ADRA1B: variants seen among roughly 807,000 people sequenced by gnomAD.
ADRA1B encodes alpha-1B adrenergic receptor.
Under a neutral mutation model 17.9 loss-of-function variants are expected in ADRA1B, and 17 were observed. That is an observed-to-expected ratio of 0.95 (90% CI 0.65 to 1.42). The LOEUF is 1.42. Among genes scored for constraint, ADRA1B ranks in the 40% most tolerant of loss-of-function variants. The pLI is 0.00. For synonymous variants in ADRA1B, 366 were observed against 327.6 expected (o/e 1.12, Z -1.27); for missense variants, 681 against 722.1 (o/e 0.94, Z 0.65).
At chr5:159,903,049 A>G (rs946525249) in intron 1 of ADRA1B, among the ~76,000 whole-genome samples, 1 of 152,188 alleles carries the variant, frequency 6.6e-6, no homozygotes, top group Non-Finnish European at 1.5e-5. Flanking sequence ...GGGCACAGCC[A>G]GGAAGGGGGA....
chr5:159,947,605 T>C, intron 1 of ADRA1B: 1 of 686,910 alleles, frequency 1.5e-6, no homozygotes, highest in Non-Finnish European at 1.8e-6. Flanking sequence ...TACATTCTTT[T>C]TTTCAATACA....
chr5:159,926,116 G>A (rs1754639862), intron 1 of ADRA1B, among the ~76,000 whole-genome samples: 2 of 152,204 alleles, frequency 1.3e-5, no homozygotes, highest in East Asian at 1.9e-4. Flanking sequence ...AATTAAGAGT[G>A]CACTCAATTG....
chr5:159,949,495 A>C (rs2113256444), intron 1 of ADRA1B, among the ~76,000 whole-genome samples: 1 of 152,368 alleles, frequency 6.6e-6, no homozygotes, highest in African/African-American at 2.4e-5. Flanking sequence ...CACCATTAAG[A>C]ACTTCTGGGC....
intron 1 of ADRA1B, among the ~76,000 whole-genome samples, chr5:159,867,648 C>T (rs978323469): frequency 6.6e-6 from 1 of 152,170 alleles, no homozygotes; most frequent in African/African-American, 2.4e-5. Context: ...AATTCTCAAA[C>T]CAACTGCTAA....
At chr5:159,926,142 C>T (rs1754640656) in intron 1 of ADRA1B, among the ~76,000 whole-genome samples, 1 of 152,196 alleles carries the variant, frequency 6.6e-6, no homozygotes, top group Non-Finnish European at 1.5e-5. Context: ...AAATTATTTG[C>T]CACTTCCCAA....
chr5:159,935,981 C>T (rs774887090), intron 1 of ADRA1B, among the ~76,000 whole-genome samples: 20 of 152,240 alleles, frequency 1.3e-4, no homozygotes, highest in Non-Finnish European at 2.5e-4. Context: ...GCAAATTGCT[C>T]AACTCTCTGA....
At chr5:159,866,156 A>G (rs1275171864) in intron 1 of ADRA1B, among the ~76,000 whole-genome samples, 1 of 152,020 alleles carries the variant, frequency 6.6e-6, no homozygotes, top group African/African-American at 2.4e-5. Flanking sequence ...TATATTTTTC[A>G]TTAGCCACCC....
At chr5:159,940,004 G>A (rs990454490) in intron 1 of ADRA1B, among the ~76,000 whole-genome samples, 5 of 152,192 alleles carry the variant, frequency 3.3e-5, no homozygotes, top group African/African-American at 1.2e-4. Flanking sequence ...TCTCTCCCGG[G>A]AGACTGGGTC....
rs923673002 is a variant in ADRA1B at position 159,965,158 on chromosome 5, G to A, written c.950-6721G>A. 4.6e-5 allele frequency among the ~76,000 whole-genome samples: 7 copies of A among 152,170 alleles called. No individual in the cohort carries two copies. In the East Asian group the frequency reaches 5.8e-4, roughly 13 times the overall value. ...AAATGAATGGCAACTTGAACAGGTC[G>A]TGGTGGCCACTCTGCCATTCACCAG... On this transcript the variant is annotated intron_variant, in intron 1 of 1. Coordinates refer to ENST00000306675, the MANE Select transcript of ADRA1B (RefSeq NM_000679.4).
At chr5:159,947,824 C>T in intron 1 of ADRA1B, 1 of 985,404 alleles carries the variant, frequency 1.0e-6, no homozygotes, top group Non-Finnish European at 1.2e-6. Context: ...ATTGCATCAC[C>T]ATATTATCCG....
chr5:159,874,761 A>G (rs369389463), intron 1 of ADRA1B, among the ~76,000 whole-genome samples: 2 of 152,218 alleles, frequency 1.3e-5, no homozygotes, highest in East Asian at 1.9e-4. Context: ...CTTGGGGGTC[A>G]GAGTCCTCAG....
At chr5:159,878,962 G>A (rs759474402) in intron 1 of ADRA1B, among the ~76,000 whole-genome samples, 13 of 151,982 alleles carry the variant, frequency 8.6e-5, no homozygotes, top group East Asian at 1.9e-4. Flanking sequence ...TTCTGATGTC[G>A]CTCAAAACCC....
At position 159,918,209 on chromosome 5, in the gene ADRA1B, G is replaced by A. The variant is rs567280497; in HGVS notation, c.949+355G>A. On this transcript the variant is annotated intron_variant, in intron 1 of 1. Coordinates refer to ENST00000306675, the MANE Select transcript of ADRA1B (RefSeq NM_000679.4). ...TCAGTAGTAATGATGTGTCGGCTAAGGCAGCGTCACTAATGCAGCATACAA... is the reference window on the plus strand; with the variant it reads ...TCAGTAGTAATGATGTGTCGGCTAAAGCAGCGTCACTAATGCAGCATACAA... Among the ~76,000 whole-genome samples the A allele has an allele frequency of 5.9e-5, 9 of 152,274 alleles. No individual in the cohort carries two copies. In the South Asian group the frequency reaches 1.9e-3, roughly 32 times the overall value.
chr5:159,917,370 G>T lies in ADRA1B; in HGVS notation c.465G>T (p.Thr155=), dbSNP rs1443867534. Residue 155 remains threonine, a synonymous_variant, in exon 1 of 2, where the codon ACG becomes ACT. Coordinates refer to ENST00000306675, the MANE Select transcript of ADRA1B (RefSeq NM_000679.4). ...IGVRYSLQYP[T]LVTRRKAILA... ...TGCGCTACTCTCTGCAGTATCCCAC[G>T]CTGGTCACCCGGAGGAAGGCCATCT... is the stretch of plus-strand genomic sequence containing the variant. 6.2e-7 allele frequency: 1 copy of T among 1,614,106 alleles called. No homozygotes were observed. The highest frequency in any genetic ancestry group is 1.1e-5 in the South Asian group (1 of 91,090).
chr5:159,871,054 A>C (rs1001768410), intron 1 of ADRA1B: 2 of 152,218 alleles, frequency 1.3e-5, no homozygotes, highest in Non-Finnish European at 2.9e-5. Flanking sequence ...AGTTGTGGCC[A>C]TGTTTCCTGC....
the ADRA1B span, among the ~76,000 whole-genome samples, chr5:159,978,084 G>A: frequency 2.0e-5 from 3 of 152,014 alleles, no homozygotes; most frequent in Admixed American, 6.5e-5. Flanking sequence ...ATCACCACCT[G>A]ACATATATTT....
intron 1 of ADRA1B, among the ~76,000 whole-genome samples, chr5:159,962,272 A>C (rs1755677847): frequency 6.6e-6 from 1 of 152,150 alleles, no homozygotes; most frequent in Admixed American, 6.5e-5. Context: ...GGGACAGGGG[A>C]CCACAGGCAC....
chr5:159,987,553 G>A, the ADRA1B span, among the ~76,000 whole-genome samples: 1 of 152,336 alleles, frequency 6.6e-6, no homozygotes, highest in East Asian at 1.9e-4. Flanking sequence ...CGCGCCACCC[G>A]CTGGCCAACG....
chr5:159,907,556 A>G (rs1754175271), intron 1 of ADRA1B, among the ~76,000 whole-genome samples: 1 of 152,056 alleles, frequency 6.6e-6, no homozygotes, highest in African/African-American at 2.4e-5. Flanking sequence ...CTCTGTAAGG[A>G]TAGCTGAGAG....
Sources: gnomAD v4.1 joint callset for allele counts (sites outside exome capture counted in the v4.1 genomes callset) on GRCh38, gnomAD v4.1.1 for gene constraint, MANE v1.5 for transcripts, NCBI Gene and HGNC (gene_info 2026-07-23, HGNC 2026-07-21) for gene names.